PDE7B: variants seen among roughly 807,000 people sequenced by gnomAD.
PDE7B encodes the protein 3',5'-cyclic-AMP phosphodiesterase 7B.
Under a neutral mutation model 56.2 loss-of-function variants are expected in PDE7B, and 29 were observed. That is an observed-to-expected ratio of 0.52 (90% CI 0.38 to 0.70). The LOEUF (loss-of-function observed/expected upper bound fraction) is 0.70, where lower values mean the gene tolerates loss of function less well. PDE7B is among the 30% of genes least tolerant of loss of function. The probability of loss-of-function intolerance (pLI) is 0.00; values close to 1 mark genes in which losing one functional copy is unlikely to be tolerated. For missense variants in PDE7B, 490 were observed against 565.0 expected, an observed-to-expected ratio of 0.87 and a Z score of 1.35; for synonymous variants, 197 against 196.9, an observed-to-expected ratio of 1.00 and a Z score of 0.00.
At chr6:136,100,303 T>G (rs189428360) in intron 2 of PDE7B, among the ~76,000 whole-genome samples, 1 of 152,344 alleles carries the variant, frequency 6.6e-6, no homozygotes, top group East Asian at 1.9e-4. Context: ...TTTCCAATTC[T>G]GTGAAGAAAG....
chr6:135,912,801 A>T (rs1246506563), intron 1 of PDE7B, among the ~76,000 whole-genome samples: 1 of 152,210 alleles, frequency 6.6e-6, no homozygotes, highest in Non-Finnish European at 1.5e-5. Flanking sequence ...ATTTCATTTC[A>T]TCATGATAGA....
chr6:136,025,879 C>A (rs988855124), intron 2 of PDE7B, among the ~76,000 whole-genome samples: 9 of 152,172 alleles, frequency 5.9e-5, no homozygotes, highest in African/African-American at 2.2e-4. Flanking sequence ...ACATTTAAAG[C>A]TCTTTTTTTT....
chr6:136,001,133 G>T (rs1218895443), intron 2 of PDE7B, among the ~76,000 whole-genome samples: 1 of 152,224 alleles, frequency 6.6e-6, no homozygotes, highest in Non-Finnish European at 1.5e-5. Context: ...ACCTGCAGCT[G>T]AGGGTCCTGT....
intron 2 of PDE7B, among the ~76,000 whole-genome samples, chr6:136,105,780 T>A (rs1203536425): frequency 6.6e-6 from 1 of 152,156 alleles, no homozygotes; most frequent in Non-Finnish European, 1.5e-5. Flanking sequence ...TGTATTGCCC[T>A]CCCTTCATCC....
At chr6:136,052,167 T>C (rs1243211895) in intron 2 of PDE7B, among the ~76,000 whole-genome samples, 1 of 152,080 alleles carries the variant, frequency 6.6e-6, no homozygotes, top group Non-Finnish European at 1.5e-5. Context: ...CATAAAACCA[T>C]TCTGTCAGGA....
chr6:136,076,681 G>C (rs1001831431), intron 2 of PDE7B, among the ~76,000 whole-genome samples: 3 of 152,078 alleles, frequency 2.0e-5, no homozygotes, highest in Non-Finnish European at 2.9e-5. Flanking sequence ...CTTTCACCCT[G>C]GCAGAAGACT....
chr6:136,128,914 C>G (rs1041526729), intron 3 of PDE7B, among the ~76,000 whole-genome samples: 3 of 152,158 alleles, frequency 2.0e-5, no homozygotes, highest in Non-Finnish European at 4.4e-5. Flanking sequence ...CACCCCATGA[C>G]TTCCCTTCTG....
In PDE7B at chr6:136,173,901, G is replaced by A. The variant is rs372184537; in HGVS notation, c.803+13G>A. 4.4e-5 allele frequency: 69 copies of A among 1,575,258 alleles called. No individual in the cohort carries two copies. Among genetic ancestry groups the A allele is most frequent in the Middle Eastern group, 1.7e-4 (1 of 6,004 alleles). On this transcript the variant is annotated intron_variant, in intron 9 of 12. Coordinates refer to ENST00000308191, the MANE Select transcript of PDE7B (RefSeq NM_018945.4). ...CAAAGGAAATGACGTAAGTGCTGCC[G>A]AGATGAAACATACTGATGTGCATGC... is the stretch of plus-strand genomic sequence containing the variant.
intron 3 of PDE7B, among the ~76,000 whole-genome samples, chr6:136,112,848 C>T (rs542018080): frequency 6.6e-6 from 1 of 152,268 alleles, no homozygotes; most frequent in East Asian, 1.9e-4. Flanking sequence ...ACAGTACTAC[C>T]AATTTCATGT....
At chr6:136,117,530 T>C (rs1304743793) in intron 3 of PDE7B, among the ~76,000 whole-genome samples, 2 of 152,238 alleles carry the variant, frequency 1.3e-5, no homozygotes, top group Admixed American at 6.5e-5. Context: ...TTTTTCTTTC[T>C]AACTAGCAGA....
chr6:136,103,047 T>C (rs1316277901), intron 2 of PDE7B, among the ~76,000 whole-genome samples: 1 of 152,084 alleles, frequency 6.6e-6, no homozygotes, highest in Non-Finnish European at 1.5e-5. Context: ...TTGCGAAAAA[T>C]GTGGTTTCTG....
At chr6:136,043,590 A>AAAG (rs1776448457) in intron 2 of PDE7B, among the ~76,000 whole-genome samples, 1 of 151,388 alleles carries the variant, frequency 6.6e-6, no homozygotes, top group African/African-American at 2.4e-5. Flanking sequence ...AAAAAAAAAA[A>AAAG]AAAAAGTGCC....
In PDE7B at chr6:136,150,854, C is replaced by CGTGTGTGTGTGTGT. The variant is rs760532431; in HGVS notation, c.383-306_383-305insGTGTGTGTGTGTGT. Among the ~76,000 whole-genome samples, 13 of 73,636 alleles carry CGTGTGTGTGTGTGT rather than the reference C, an allele frequency of 1.8e-4. No homozygotes were observed. In the East Asian group the frequency reaches 2.0e-3, roughly 11 times the overall value. 48.3% of individuals were successfully genotyped at this position (73,636 alleles called of 152,430 possible). The stretch of plus-strand genomic sequence containing the variant: ...GTCTTTAAAAAAATACACATATACA[C>CGTGTGTGTGTGTGT]ATGTGTGTGTGTGTGTATGTGTATG... On this transcript the variant is annotated intron_variant, in intron 5 of 12. Coordinates refer to ENST00000308191, the MANE Select transcript of PDE7B (RefSeq NM_018945.4).
intron 1 of PDE7B, among the ~76,000 whole-genome samples, chr6:135,855,144 C>T (rs552869914): frequency 7.9e-5 from 12 of 152,284 alleles, no homozygotes; most frequent in Admixed American, 4.6e-4. Context: ...CAACTGGTTG[C>T]GCTGGGTTAT....
chr6:135,865,674 G>A (rs574446809), intron 1 of PDE7B, among the ~76,000 whole-genome samples: 1 of 151,420 alleles, frequency 6.6e-6, no homozygotes, highest in African/African-American at 2.4e-5. Context: ...GAGAGAGAGA[G>A]ACAGAGACAG....
intron 1 of PDE7B, among the ~76,000 whole-genome samples, chr6:135,885,289 G>GT: frequency 6.7e-6 from 1 of 149,312 alleles, no homozygotes; most frequent in Non-Finnish European, 1.5e-5. Flanking sequence ...GGAGGGTTTT[G>GT]TTGTTTGTTT....
At chr6:136,054,315 G>C (rs546081047) in intron 2 of PDE7B, among the ~76,000 whole-genome samples, 198 of 152,016 alleles carry the variant, frequency 1.3e-3, no homozygotes, top group Non-Finnish European at 1.8e-3. Flanking sequence ...ATAGGGAATC[G>C]TTTCCCCATT....
intron 1 of PDE7B, among the ~76,000 whole-genome samples, chr6:135,922,928 A>G (rs1228165322): frequency 6.6e-6 from 1 of 152,088 alleles, no homozygotes; most frequent in Non-Finnish European, 1.5e-5. Flanking sequence ...CCATCTTAGA[A>G]TTTGGCTGTG....
chr6:135,887,259 A>G (rs1401384168), intron 1 of PDE7B, among the ~76,000 whole-genome samples: 2 of 152,106 alleles, frequency 1.3e-5, no homozygotes, highest in African/African-American at 4.8e-5. Context: ...GCTTCTGGAT[A>G]CTAGTCCTTT....
Sources: gnomAD v4.1 joint callset for allele counts (sites outside exome capture counted in the v4.1 genomes callset) on GRCh38, gnomAD v4.1.1 for gene constraint, MANE v1.5 for transcripts, NCBI Gene and HGNC (gene_info 2026-07-23, HGNC 2026-07-21) for gene names.